BABAM2: variants seen among roughly 807,000 people sequenced by gnomAD.
BABAM2 encodes BRISC and BRCA1 A complex member 2.
BABAM2 carries 31 observed loss-of-function variants against 54.7 expected under a neutral mutation model. The ratio of observed to expected loss-of-function variants is 0.57; its 90% confidence interval spans 0.43 to 0.77. BABAM2 has a LOEUF of 0.77. Among genes scored for constraint, BABAM2 ranks in the 30% least tolerant of loss-of-function variants. BABAM2 has a pLI of 0.00. For missense variants in BABAM2, 364 were observed against 455.8 expected, an observed-to-expected ratio of 0.80 and a Z score of 1.83; for synonymous variants, 167 against 162.9, an observed-to-expected ratio of 1.03 and a Z score of -0.19.
chr2:28,099,806 T>C (rs1666923838), intron 6 of BABAM2, among the ~76,000 whole-genome samples: 2 of 152,316 alleles, frequency 1.3e-5, no homozygotes, highest in South Asian at 4.2e-4. Context: ...CACTCTGTTG[T>C]TGTAAGTTGT....
At chr2:28,308,607 A>G in intron 11 of BABAM2, 1 of 411,682 alleles carries the variant, frequency 2.4e-6, no homozygotes, top group Non-Finnish European at 4.7e-6. Flanking sequence ...AGTTGATTCT[A>G]TGTATATGTC....
intron 6 of BABAM2, among the ~76,000 whole-genome samples, chr2:28,080,275 A>T (rs1665047941): frequency 6.6e-6 from 1 of 152,180 alleles, no homozygotes; most frequent in Non-Finnish European, 1.5e-5. Flanking sequence ...TCAGCCTTAA[A>T]ATTCTGTGAT....
intron 4 of BABAM2, among the ~76,000 whole-genome samples, chr2:28,002,842 T>G (rs1376265276): frequency 2.6e-5 from 4 of 152,212 alleles, no homozygotes; most frequent in African/African-American, 9.6e-5. Context: ...ATAAATCCAT[T>G]TTCAAGTAAA....
chr2:27,905,311 G>T (rs1666111030), intron 2 of BABAM2, among the ~76,000 whole-genome samples: 1 of 152,146 alleles, frequency 6.6e-6, no homozygotes, highest in African/African-American at 2.4e-5. Flanking sequence ...GGGTTGTGTG[G>T]CAGGATAATG....
At chr2:28,129,735 A>G (rs537038653) in intron 7 of BABAM2, among the ~76,000 whole-genome samples, 1 of 152,344 alleles carries the variant, frequency 6.6e-6, no homozygotes, top group East Asian at 1.9e-4. Flanking sequence ...TTTCTTACTT[A>G]TTTGTAACTA....
At chr2:27,938,079 TG>T (rs1201413718) in intron 3 of BABAM2, among the ~76,000 whole-genome samples, 8 of 152,210 alleles carry the variant, frequency 5.3e-5, no homozygotes, top group Admixed American at 5.2e-4. Context: ...CTCCAATGTG[TG>T]TTCTTGGCAC....
Position 28,074,553 on chromosome 2 carries a change from A to G in BABAM2, c.570+28754A>G, listed in dbSNP as rs192041413. Among the ~76,000 whole-genome samples, 328 of 152,338 alleles carry G rather than the reference A, an allele frequency of 2.2e-3. 2 individuals are homozygous for G. Among genetic ancestry groups the G allele is most frequent in the Admixed American group, 4.1e-3 (62 of 15,304 alleles). On this transcript the variant is annotated intron_variant, in intron 6 of 11. Coordinates refer to ENST00000379624, the MANE Select transcript of BABAM2 (RefSeq NM_199191.3). ...CAAATTTAGCCTTTTATGTGTTTGT[A>G]TGTTTGTGAATAAAACAGGGTTTTT... is the stretch of plus-strand genomic sequence containing the variant.
chr2:28,020,741 A>G (rs981145446), intron 4 of BABAM2, among the ~76,000 whole-genome samples: 1 of 152,134 alleles, frequency 6.6e-6, no homozygotes, highest in Non-Finnish European at 1.5e-5. Flanking sequence ...CAGATTATTT[A>G]TTTGAATTAC....
intron 10 of BABAM2, among the ~76,000 whole-genome samples, chr2:28,273,213 C>T (rs1178310708): frequency 6.6e-6 from 1 of 152,206 alleles, no homozygotes; most frequent in Non-Finnish European, 1.5e-5. Flanking sequence ...TTGCCCGTCT[C>T]TTTTCTCCTT....
chr2:28,310,274 C>A, intron 11 of BABAM2: 1 of 983,904 alleles, frequency 1.0e-6, no homozygotes, highest in Non-Finnish European at 1.5e-6. Context: ...GGAAGCCACT[C>A]ACCATCCTCT....
chr2:28,165,846 C>G (rs1163223534), intron 7 of BABAM2, among the ~76,000 whole-genome samples: 1 of 152,116 alleles, frequency 6.6e-6, no homozygotes, highest in Non-Finnish European at 1.5e-5. Context: ...ACACTGAAGG[C>G]TTTTAAGCAG....
At chr2:28,015,769 C>T in intron 4 of BABAM2, 1 of 1,098,942 alleles carries the variant, frequency 9.1e-7, no homozygotes, top group South Asian at 1.4e-5. Context: ...AGGACTTGAA[C>T]TAGCAGGCTT....
At chr2:28,289,287 T>G (rs1687082915) in intron 10 of BABAM2, among the ~76,000 whole-genome samples, 1 of 152,216 alleles carries the variant, frequency 6.6e-6, no homozygotes, top group Non-Finnish European at 1.5e-5. Context: ...TCATTTATTT[T>G]TTCTATTTTT....
At chr2:28,132,299 C>T (rs895078531) in intron 7 of BABAM2, among the ~76,000 whole-genome samples, 1 of 151,916 alleles carries the variant, frequency 6.6e-6, no homozygotes, top group Non-Finnish European at 1.5e-5. Context: ...CCACCACGCC[C>T]GGCTAATTTT....
intron 10 of BABAM2, among the ~76,000 whole-genome samples, chr2:28,252,620 G>A (rs1356002573): frequency 6.6e-6 from 1 of 152,262 alleles, no homozygotes; most frequent in Non-Finnish European, 1.5e-5. Flanking sequence ...GAACTTACTG[G>A]ATTAATCTTC....
intron 3 of BABAM2, among the ~76,000 whole-genome samples, chr2:27,940,658 C>A (rs1668804235): frequency 1.3e-5 from 1 of 77,536 alleles, no homozygotes; most frequent in Non-Finnish European, 3.2e-5. Flanking sequence ...TTGAAATTAT[C>A]TGTGGTTTAA....
At chr2:27,978,600 T>C (rs1671762124) in intron 3 of BABAM2, among the ~76,000 whole-genome samples, 1 of 152,216 alleles carries the variant, frequency 6.6e-6, no homozygotes, top group Admixed American at 6.5e-5. Context: ...TAATCTATCA[T>C]TGGCAGAAAA....
intron 4 of BABAM2, among the ~76,000 whole-genome samples, chr2:28,006,885 T>C (rs1431848016): frequency 6.6e-6 from 1 of 152,018 alleles, no homozygotes; most frequent in African/African-American, 2.4e-5. Flanking sequence ...TTCTTCTGTA[T>C]TGAGAATTGT....
At chr2:28,290,630 C>T (rs920089918) in intron 10 of BABAM2, among the ~76,000 whole-genome samples, 27 of 152,176 alleles carry the variant, frequency 1.8e-4, no homozygotes, top group Admixed American at 1.6e-3. Flanking sequence ...ACAGCCCCTG[C>T]GCTTAAGGAC....
Sources: allele counts gnomAD v4.1 joint callset (sites outside exome capture counted in the v4.1 genomes callset), GRCh38; gene constraint gnomAD v4.1.1; transcripts MANE v1.5; gene names NCBI Gene and HGNC (gene_info 2026-07-23, HGNC 2026-07-21).